Variants in GPR158 observed in about 807,000 individuals in gnomAD.
GPR158 encodes metabotropic glycine receptor.
A neutral mutation model predicts 78.2 loss-of-function variants in GPR158; 30 were observed. That is an observed-to-expected ratio of 0.38 (90% CI 0.29 to 0.52). The LOEUF is 0.52. GPR158 is among the 20% of genes least tolerant of loss of function. The pLI is 0.83. For missense variants in GPR158, 1,463 were observed against 1,523.5 expected, an observed-to-expected ratio of 0.96 and a Z score of 0.66; for synonymous variants, 581 against 591.1, an observed-to-expected ratio of 0.98 and a Z score of 0.25.
intron 2 of GPR158, among the ~76,000 whole-genome samples, chr10:25,299,229 G>T (rs908557886): frequency 1.3e-5 from 2 of 151,118 alleles, no homozygotes; most frequent in African/African-American, 4.9e-5. Flanking sequence ...CACTTAAGTG[G>T]GTGTGTGTGT....
chr10:25,438,091 T>C (rs1416853951), intron 4 of GPR158, among the ~76,000 whole-genome samples: 1 of 152,188 alleles, frequency 6.6e-6, no homozygotes, highest in Non-Finnish European at 1.5e-5. Context: ...GTGATGCTGA[T>C]GAGGCAGATG....
chr10:25,253,990 T>C, intron 2 of GPR158, among the ~76,000 whole-genome samples: 1 of 152,230 alleles, frequency 6.6e-6, no homozygotes, highest in Non-Finnish European at 1.5e-5. Flanking sequence ...TAGCATTGTT[T>C]AGTTTGCTCT....
chr10:25,270,171 G>T (rs1014481422), intron 2 of GPR158, among the ~76,000 whole-genome samples: 2 of 152,090 alleles, frequency 1.3e-5, no homozygotes, highest in African/African-American at 2.4e-5. Flanking sequence ...CTTCAGAAAG[G>T]TTAATTCTTT....
At chr10:25,432,175 C>A (rs1239438324) in intron 4 of GPR158, among the ~76,000 whole-genome samples, 1 of 152,084 alleles carries the variant, frequency 6.6e-6, no homozygotes, top group Non-Finnish European at 1.5e-5. Context: ...CAGAAAAACA[C>A]TCAATAGAAA....
At chr10:25,389,192 T>C (rs1834260676) in intron 2 of GPR158, among the ~76,000 whole-genome samples, 1 of 152,142 alleles carries the variant, frequency 6.6e-6, no homozygotes, top group African/African-American at 2.4e-5. Context: ...TTTCCAGACC[T>C]GTCCATGGCC....
chr10:25,301,041 T>C (rs1854585865), intron 2 of GPR158, among the ~76,000 whole-genome samples: 1 of 152,220 alleles, frequency 6.6e-6, no homozygotes. Flanking sequence ...TATTCTTTCC[T>C]CAAGTTTTAA....
chr10:25,176,395 T>A lies in GPR158; in HGVS notation c.902+73T>A. 1 of 1,181,284 alleles carries A rather than the reference T, an allele frequency of 8.5e-7. No homozygotes were observed. Among genetic ancestry groups the A allele is most frequent in the Non-Finnish European group, 1.2e-6 (1 of 850,146 alleles). The allele number at this position is 1,181,284 out of a possible 1,614,324, so 73.2% of individuals were successfully genotyped here. On this transcript the variant is annotated intron_variant, in intron 1 of 10. Transcript: ENST00000376351. This position sits in a 1 kb window ranked among gnomAD's most constrained non-coding sequence, Gnocchi z 6.3. ...TTCCGGTCTTGTGGGTGGGTGCACG[T>A]GTGAGGAAGGAACCCTTGGCTGTGA...
chr10:25,565,964 A>G (rs1836923897), intron 6 of GPR158, among the ~76,000 whole-genome samples: 1 of 152,158 alleles, frequency 6.6e-6, no homozygotes, highest in Admixed American at 6.5e-5. Context: ...GGCCAGAAAT[A>G]TGTGTGGCGG....
intron 1 of GPR158, among the ~76,000 whole-genome samples, chr10:25,212,155 C>T (rs1853140152): frequency 6.6e-6 from 1 of 152,080 alleles, no homozygotes; most frequent in Non-Finnish European, 1.5e-5. Context: ...TTTTGCACTG[C>T]TATAAAGAAA....
chr10:25,436,205 CAT>C lies in GPR158; in HGVS notation c.1335+23733_1335+23734del, dbSNP rs748941145. Among the ~76,000 whole-genome samples the C allele has an allele frequency of 7.0e-4, 106 of 152,296 alleles. 1 individual carries two copies. Among genetic ancestry groups the C allele is most frequent in the Non-Finnish European group, 1.3e-3 (91 of 68,020 alleles). On this transcript the variant is annotated intron_variant, in intron 4 of 10. Transcript: ENST00000376351. ...AGTGTGTGCCCGGTGTTACATGAGACATGTGTATACTAAAGCATTATTTGTTG... is the reference window on the plus strand; with the variant it reads ...AGTGTGTGCCCGGTGTTACATGAGACGTGTATACTAAAGCATTATTTGTTG...
intron 4 of GPR158, among the ~76,000 whole-genome samples, chr10:25,425,835 T>C (rs964419457): frequency 6.6e-6 from 1 of 152,150 alleles, no homozygotes; most frequent in Non-Finnish European, 1.5e-5. Flanking sequence ...ATATTTTTAT[T>C]GTGTTATATT....
chr10:25,557,472 A>G (rs1836801018), intron 6 of GPR158, among the ~76,000 whole-genome samples: 1 of 152,174 alleles, frequency 6.6e-6, no homozygotes, highest in South Asian at 2.1e-4. Context: ...GTCACTCTTT[A>G]ATTGTAAAAT....
At chr10:25,471,087 T>A (rs1835492644) in intron 5 of GPR158, among the ~76,000 whole-genome samples, 1 of 151,990 alleles carries the variant, frequency 6.6e-6, no homozygotes, top group Non-Finnish European at 1.5e-5. Context: ...TAGGTATATC[T>A]CCTAATGCTA....
At chr10:25,256,347 T>C (rs1337415545) in intron 2 of GPR158, among the ~76,000 whole-genome samples, 1 of 152,190 alleles carries the variant, frequency 6.6e-6, no homozygotes. Flanking sequence ...TGGTAGAAAC[T>C]GATCTTTAAA....
rs986887986 is a variant in GPR158 at position 25,600,362 on chromosome 10, A to G, written c.*1088A>G. 3 of 152,574 alleles carry G rather than the reference A, an allele frequency of 2.0e-5. No individual in the cohort carries two copies. The highest frequency in any genetic ancestry group is 7.2e-5 in the African/African-American group (3 of 41,448). The allele number at this position is 152,574 out of a possible 1,614,324, so 9.5% of individuals were successfully genotyped here. ...AAATATACCGTGCATTATTATTACT[A>G]TTGGAAAGGGAAGACTCTAGGGATG... On this transcript the variant is annotated 3_prime_UTR_variant, in exon 11 of 11. Coordinates refer to ENST00000376351, the MANE Select transcript of GPR158 (RefSeq NM_020752.3).
chr10:25,268,456 C>G (rs1473023327), intron 2 of GPR158, among the ~76,000 whole-genome samples: 1 of 151,990 alleles, frequency 6.6e-6, no homozygotes, highest in Non-Finnish European at 1.5e-5. Context: ...ATCTGTGACC[C>G]TAAGACTCAT....
chr10:25,596,155 A>C (rs563544389), intron 9 of GPR158, among the ~76,000 whole-genome samples: 15 of 152,350 alleles, frequency 9.8e-5, no homozygotes, highest in Non-Finnish European at 1.6e-4. Context: ...TCTTAAACTC[A>C]TAATTGTCTC....
intron 5 of GPR158, among the ~76,000 whole-genome samples, chr10:25,477,941 TAAAA>T (rs764069894): frequency 1.3e-5 from 2 of 152,100 alleles, no homozygotes; most frequent in Non-Finnish European, 2.9e-5. Context: ...GTTAGAGAAA[TAAAA>T]GAAATAGCCA....
At chr10:25,517,458 A>G (rs1182477638) in intron 5 of GPR158, among the ~76,000 whole-genome samples, 1 of 152,136 alleles carries the variant, frequency 6.6e-6, no homozygotes, top group Non-Finnish European at 1.5e-5. Context: ...CCAGTTTTCA[A>G]AGGGAATGCT....
Sources: allele counts gnomAD v4.1 joint callset (sites outside exome capture counted in the v4.1 genomes callset), GRCh38; gene constraint gnomAD v4.1.1; non-coding constraint Gnocchi (gnomAD v3.1); transcripts MANE v1.5; gene names NCBI Gene and HGNC (gene_info 2026-07-23, HGNC 2026-07-21).